FAF1: variants seen among roughly 807,000 people sequenced by gnomAD.
FAF1 encodes FAS-associated factor 1.
Under a neutral mutation model 92.5 loss-of-function variants are expected in FAF1, and 25 were observed. The ratio of observed to expected loss-of-function variants is 0.27; its 90% confidence interval spans 0.20 to 0.38. The LOEUF (loss-of-function observed/expected upper bound fraction) is 0.38. Ranked by LOEUF, FAF1 falls within the 10% of genes least tolerant of loss-of-function variation. The pLI is 1.00. For synonymous variants in FAF1, 234 were observed against 273.2 expected (o/e 0.86, Z 1.42); for missense variants, 636 against 793.3 (o/e 0.80, Z 2.38).
At chr1:50,490,453 AAGGAAG>A (rs879483348) in intron 17 of FAF1, 129 bp downstream of exon 17, 22,539 of 374,938 alleles carry the variant, frequency 0.06, 1,789 homozygotes, top group African/African-American at 0.07. Flanking sequence ...GGAAGGAAGG[AAGGAAG>A]GAAAAAGAAA....
intron 1 of FAF1, among the ~76,000 whole-genome samples, chr1:50,935,095 T>TGTGG: frequency 6.6e-6 from 1 of 152,294 alleles, no homozygotes; most frequent in Non-Finnish European, 1.5e-5. Flanking sequence ...TATTGAAAAA[T>TGTGG]GTGGCAATAA....
chr1:50,675,004 T>C (rs1656057462), intron 7 of FAF1, among the ~76,000 whole-genome samples: 2 of 152,040 alleles, frequency 1.3e-5, no homozygotes, highest in South Asian at 4.1e-4. Context: ...AATTCTCCTG[T>C]CTCAGCCTCC....
At chr1:50,953,912 T>C (rs1432064589) in intron 1 of FAF1, among the ~76,000 whole-genome samples, 4 of 151,808 alleles carry the variant, frequency 2.6e-5, no homozygotes, top group Non-Finnish European at 5.9e-5. Flanking sequence ...AAGGGACTCT[T>C]AATCTATGAC....
At chr1:50,605,504 T>C (rs1652336652) in intron 8 of FAF1, among the ~76,000 whole-genome samples, 1 of 152,198 alleles carries the variant, frequency 6.6e-6, no homozygotes, top group Non-Finnish European at 1.5e-5. Context: ...AGATGTTATT[T>C]GTAAGGCAAC....
At chr1:50,615,922 C>G (rs1406689418) in intron 8 of FAF1, among the ~76,000 whole-genome samples, 1 of 152,174 alleles carries the variant, frequency 6.6e-6, no homozygotes, top group East Asian at 1.9e-4. Flanking sequence ...CCAAAAAAAT[C>G]TTTGCCAAGG....
chr1:50,496,705 T>C (rs1318261942), intron 15 of FAF1, among the ~76,000 whole-genome samples: 1 of 152,006 alleles, frequency 6.6e-6, no homozygotes, highest in Non-Finnish European at 1.5e-5. Context: ...CAGCCTGACC[T>C]ACATGGTGAA....
intron 2 of FAF1, among the ~76,000 whole-genome samples, chr1:50,844,101 G>A (rs1398204535): frequency 6.6e-6 from 1 of 152,064 alleles, no homozygotes; most frequent in Non-Finnish European, 1.5e-5. Context: ...TCTCATTATG[G>A]TTTTGGTTAG....
At chr1:50,707,126 C>G (rs1285756461) in intron 6 of FAF1, among the ~76,000 whole-genome samples, 4 of 149,948 alleles carry the variant, frequency 2.7e-5, no homozygotes, top group African/African-American at 7.5e-5. Flanking sequence ...TGGCATGAAC[C>G]TGGGAGGTGG....
chr1:50,816,162 A>T (rs1418119169), intron 2 of FAF1, among the ~76,000 whole-genome samples: 1 of 149,770 alleles, frequency 6.7e-6, no homozygotes, highest in Non-Finnish European at 1.5e-5. Flanking sequence ...TATTTTGAGA[A>T]GCGGTCATTC....
At chr1:50,542,501 C>T (rs1006212095) in intron 13 of FAF1, among the ~76,000 whole-genome samples, 2 of 152,182 alleles carry the variant, frequency 1.3e-5, no homozygotes, top group Admixed American at 1.3e-4. Context: ...AGATAAAATG[C>T]ATGGTTCTCA....
At position 50,658,034 on chromosome 1, in the gene FAF1, A is replaced by G. The variant is rs2124302506; in HGVS notation, c.658-2506T>C. On this transcript the variant is annotated intron_variant, in intron 7 of 18. Coordinates refer to ENST00000396153, the MANE Select transcript of FAF1 (RefSeq NM_007051.3). ...CCAAATGCAATTGGGTTAACCTCTA[A>G]CCACTTTCACTAGCTGTTATTATTT... 2.0e-5 allele frequency among the ~76,000 whole-genome samples: 3 copies of G among 152,264 alleles called. No homozygotes were observed. The Middle Eastern group carries it at 0.01, about 518-fold the overall frequency.
chr1:50,806,578 G>A (rs188793734), intron 2 of FAF1, among the ~76,000 whole-genome samples: 2 of 152,274 alleles, frequency 1.3e-5, no homozygotes, highest in East Asian at 3.9e-4. Context: ...TGAACGCAGA[G>A]CCCACTAACC....
At chr1:50,648,701 C>G (rs1048268821) in intron 8 of FAF1, among the ~76,000 whole-genome samples, 1 of 151,968 alleles carries the variant, frequency 6.6e-6, no homozygotes, top group African/African-American at 2.4e-5. Context: ...CCGAGGTAGG[C>G]GGATCACCTG....
chr1:50,882,787 A>C (rs192423249), intron 1 of FAF1, among the ~76,000 whole-genome samples: 1 of 151,922 alleles, frequency 6.6e-6, no homozygotes, highest in Non-Finnish European at 1.5e-5. Flanking sequence ...GGAGTTCAAG[A>C]CCAGCGTGGC....
chr1:50,836,960 T>TC (rs1216983563), intron 2 of FAF1, among the ~76,000 whole-genome samples: 1 of 134,220 alleles, frequency 7.5e-6, no homozygotes, highest in African/African-American at 3.0e-5. Context: ...TCTTTTTTTT[T>TC]TTTTTTTTTT....
intron 1 of FAF1, among the ~76,000 whole-genome samples, chr1:50,905,139 T>C (rs1644825972): frequency 6.6e-6 from 1 of 152,198 alleles, no homozygotes; most frequent in South Asian, 2.1e-4. Flanking sequence ...ATGTGGTGTC[T>C]GTTTTACTGT....
intron 2 of FAF1, among the ~76,000 whole-genome samples, chr1:50,816,546 C>A (rs992436132): frequency 3.9e-5 from 6 of 152,098 alleles, no homozygotes; most frequent in East Asian, 1.9e-4. Flanking sequence ...TTAGCTTGTT[C>A]AAATTTTTAA....
intron 7 of FAF1, among the ~76,000 whole-genome samples, chr1:50,664,546 G>A (rs1486653298): frequency 1.3e-5 from 2 of 151,694 alleles, no homozygotes; most frequent in Non-Finnish European, 2.9e-5. Context: ...ATCCCAGCAC[G>A]CTGGGAGGCC....
intron 4 of FAF1, among the ~76,000 whole-genome samples, chr1:50,776,942 G>A (rs569282407): frequency 1.6e-4 from 25 of 151,904 alleles, no homozygotes; most frequent in African/African-American, 6.0e-4. Context: ...CGTCAACAGA[G>A]GAAGTTTGGT....
Sources: allele counts gnomAD v4.1 joint callset (sites outside exome capture counted in the v4.1 genomes callset), GRCh38; gene constraint gnomAD v4.1.1; transcripts MANE v1.5; gene names NCBI Gene and HGNC (gene_info 2026-07-23, HGNC 2026-07-21).